MAGI2: variants seen among roughly 807,000 people sequenced by gnomAD.
The protein encoded by MAGI2 is membrane associated guanylate kinase, WW and PDZ domain containing 2.
A neutral mutation model predicts 133.3 loss-of-function variants in MAGI2; 35 were observed. The observed-to-expected ratio is 0.26, with a 90% CI of 0.20 to 0.35. The LOEUF (loss-of-function observed/expected upper bound fraction) is 0.35. MAGI2 is among the 10% of genes least tolerant of loss of function. The pLI is 1.00. For synonymous variants in MAGI2, 729 were observed against 710.6 expected (o/e 1.03, Z -0.41); for missense variants, 1,636 against 1,863.4 (o/e 0.88, Z 2.25).
intron 3 of MAGI2, among the ~76,000 whole-genome samples, chr7:78,579,879 C>T (rs905159144): frequency 5.3e-5 from 8 of 152,180 alleles, no homozygotes; most frequent in Admixed American, 5.2e-4. Flanking sequence ...AAACTACCCA[C>T]TTGTCTGTTT....
chr7:78,667,855 G>A (rs189462004), intron 2 of MAGI2, among the ~76,000 whole-genome samples: 1 of 152,232 alleles, frequency 6.6e-6, no homozygotes, highest in Admixed American at 6.6e-5. Context: ...AAACATACGT[G>A]TGCATGTGTC....
intron 7 of MAGI2, chr7:78,348,390 A>G (rs1038343257): frequency 6.6e-6 from 1 of 152,206 alleles, no homozygotes; most frequent in African/African-American, 2.4e-5. Flanking sequence ...CCCAGGGAGA[A>G]CCCAACAATG....
intron 1 of MAGI2, among the ~76,000 whole-genome samples, chr7:79,118,535 A>C (rs1052967712): frequency 2.6e-5 from 4 of 152,198 alleles, no homozygotes; most frequent in African/African-American, 9.6e-5. Flanking sequence ...TATACCTTTC[A>C]ACTTAATCAG....
At chr7:78,229,092 A>G (rs1789698746) in intron 10 of MAGI2, among the ~76,000 whole-genome samples, 1 of 152,258 alleles carries the variant, frequency 6.6e-6, no homozygotes. Context: ...ATAGACCATC[A>G]TGACACACAT....
At chr7:79,214,924 T>C (rs1490709766) in intron 1 of MAGI2, among the ~76,000 whole-genome samples, 3 of 147,362 alleles carry the variant, frequency 2.0e-5, no homozygotes, top group African/African-American at 5.0e-5. Flanking sequence ...TATAAATTTC[T>C]ATGATATATA....
At chr7:78,878,026 A>G (rs1795560544) in intron 2 of MAGI2, among the ~76,000 whole-genome samples, 1 of 152,220 alleles carries the variant, frequency 6.6e-6, no homozygotes, top group African/African-American at 2.4e-5. Context: ...TCAGTGACAC[A>G]TTCTTTAACC....
intron 2 of MAGI2, among the ~76,000 whole-genome samples, chr7:78,738,216 C>A (rs530849600): frequency 1.3e-5 from 2 of 152,040 alleles, no homozygotes. Flanking sequence ...CATGTACCTG[C>A]AAGTTTTCTT....
At chr7:78,364,507 G>T (rs1793173959) in intron 7 of MAGI2, among the ~76,000 whole-genome samples, 1 of 152,160 alleles carries the variant, frequency 6.6e-6, no homozygotes, top group Non-Finnish European at 1.5e-5. Flanking sequence ...TACAAATAAT[G>T]TTTTATAGTA....
chr7:78,715,888 A>G (rs1168913620), intron 2 of MAGI2, among the ~76,000 whole-genome samples: 1 of 63,530 alleles, frequency 1.6e-5, no homozygotes, highest in Non-Finnish European at 3.8e-5. Flanking sequence ...TGAAGCCATA[A>G]CACTCGGAAT....
At chr7:78,052,978 C>T (rs1270685644) in intron 21 of MAGI2, among the ~76,000 whole-genome samples, 3 of 151,774 alleles carry the variant, frequency 2.0e-5, no homozygotes, top group Admixed American at 6.6e-5. Context: ...CCAGTAAAAA[C>T]AAGGTATAGA....
At chr7:79,392,335 TTA>T (rs1178324562) in intron 1 of MAGI2, among the ~76,000 whole-genome samples, 1 of 152,182 alleles carries the variant, frequency 6.6e-6, no homozygotes, top group Non-Finnish European at 1.5e-5. Context: ...GCATGTGTCT[TTA>T]TAGTAGAACG....
intron 6 of MAGI2, among the ~76,000 whole-genome samples, chr7:78,388,294 A>ATCATCG (rs1304374123): frequency 1.6e-5 from 2 of 121,680 alleles, no homozygotes; most frequent in African/African-American, 6.7e-5. Flanking sequence ...CATCATCATC[A>ATCATCG]TCGTCATCAT....
intron 1 of MAGI2, among the ~76,000 whole-genome samples, chr7:79,032,907 C>T (rs1810743192): frequency 6.9e-6 from 1 of 144,600 alleles, no homozygotes; most frequent in African/African-American, 2.7e-5. Context: ...CAGGCTACAG[C>T]TTCGTGGAGC....
chr7:78,163,242 G>T (rs553651066), intron 15 of MAGI2, among the ~76,000 whole-genome samples: 3 of 152,002 alleles, frequency 2.0e-5, no homozygotes, highest in Non-Finnish European at 4.4e-5. Context: ...AGTTCATGCC[G>T]TTCTCCTGTC....
intron 21 of MAGI2, among the ~76,000 whole-genome samples, chr7:78,056,072 A>T (rs1584961294): frequency 6.6e-6 from 1 of 151,930 alleles, no homozygotes; most frequent in African/African-American, 2.4e-5. Flanking sequence ...CATTGAACTC[A>T]CCCTTTCCCT....
chr7:78,944,389 A>G (rs1244998459), intron 2 of MAGI2, among the ~76,000 whole-genome samples: 1 of 152,076 alleles, frequency 6.6e-6, no homozygotes, highest in Non-Finnish European at 1.5e-5. Context: ...ATGGTGTGTT[A>G]GGATAGACAT....
chr7:79,254,088 A>C (rs1341967430), intron 1 of MAGI2, among the ~76,000 whole-genome samples: 2 of 151,158 alleles, frequency 1.3e-5, no homozygotes, highest in Non-Finnish European at 2.9e-5. Flanking sequence ...TTTTTTTTCA[A>C]TCATATATGG....
At chr7:79,063,010 T>C (rs138587131) in intron 1 of MAGI2, among the ~76,000 whole-genome samples, 270 of 152,252 alleles carry the variant, frequency 1.8e-3, no homozygotes, top group African/African-American at 6.3e-3. Context: ...TGCTGCTTGA[T>C]AAACTCCAAT....
intron 9 of MAGI2, among the ~76,000 whole-genome samples, chr7:78,339,473 G>A (rs1562850997): frequency 6.6e-6 from 1 of 152,144 alleles, no homozygotes; most frequent in Non-Finnish European, 1.5e-5. Flanking sequence ...TGTCTTTTAA[G>A]TTTACACTGA....
Sources: gnomAD v4.1 joint callset for allele counts (sites outside exome capture counted in the v4.1 genomes callset) on GRCh38, gnomAD v4.1.1 for gene constraint, MANE v1.5 for transcripts, NCBI Gene and HGNC (gene_info 2026-07-23, HGNC 2026-07-21) for gene names.